Variants in PRPF8 observed in about 807,000 individuals in gnomAD.
PRPF8 encodes the protein pre-mRNA-processing-splicing factor 8.
PRPF8 carries 64 observed loss-of-function variants against 285.9 expected under a neutral mutation model. The ratio of observed to expected loss-of-function variants is 0.22; its 90% CI spans 0.18 to 0.28. The LOEUF (loss-of-function observed/expected upper bound fraction) is 0.28. PRPF8 is among the 10% of genes least tolerant of loss of function. PRPF8 has a pLI of 1.00. For missense variants in PRPF8, 1,426 were observed against 3,026.7 expected (o/e 0.47, Z 12.41); for synonymous variants, 1,325 against 1,118.2 (o/e 1.18, Z -3.69).
Position 1,682,134 on chromosome 17 carries a change from C to T in PRPF8, c.429G>A (p.Gln143=), listed in dbSNP as rs779810098. 68 of 1,613,984 alleles carry T rather than the reference C, an allele frequency of 4.2e-5. No individual in the cohort carries two copies. Among genetic ancestry groups the T allele is most frequent in the Non-Finnish European group, 5.4e-5 (64 of 1,180,026 alleles). The change falls in exon 4 of 43, where the codon CAG becomes CAA. Residue 143 remains glutamine, a synonymous_variant. Transcript: ENST00000304992. ...CATATTTCAGCCTTTCTCACCCCCACTGGGAGATGTAGACAGGTTCAATGA... is the reference window on the plus strand; with the variant it reads ...CATATTTCAGCCTTTCTCACCCCCATTGGGAGATGTAGACAGGTTCAATGA... ...PWVIEPVYIS[Q]WGSMWIMMRR...
chr17:1,656,554 C>T lies in PRPF8; in HGVS notation c.5631G>A (p.Leu1877=), dbSNP rs1379625351. 1 of 1,614,106 alleles carries T rather than the reference C, an allele frequency of 6.2e-7. No homozygotes were observed. Among genetic ancestry groups the T allele is most frequent in the African/African-American group, 1.3e-5 (1 of 74,996 alleles). The change falls in exon 36 of 43, where the codon CTG becomes CTA. Residue 1877 remains leucine, a synonymous_variant. Transcript: ENST00000304992. Reference sequence around the variant, plus strand: ...CTTTGATGACAATATTGGGGAAGTCCAGTAAGTGCACCTAAGACAAGATCA... The same window carrying T: ...CTTTGATGACAATATTGGGGAAGTCTAGTAAGTGCACCTAAGACAAGATCA... ...GMLDPLEVHL[L]DFPNIVIKGS...
At chr17:1,668,152 T>C (rs1401272232) in intron 24 of PRPF8, among the ~76,000 whole-genome samples, 1 of 152,216 alleles carries the variant, frequency 6.6e-6, no homozygotes, top group Non-Finnish European at 1.5e-5. Context: ...AAAGATATGA[T>C]GTGAACCCCA....
intron 21 of PRPF8, 151 bp from the exon 22 acceptor site, chr17:1,674,043 T>G: frequency 1.0e-6 from 1 of 968,432 alleles, no homozygotes; most frequent in Non-Finnish European, 1.5e-6. Context: ...ATTTATTTTT[T>G]GAGACAGTCT....
In PRPF8 at chr17:1,651,564, AGAG is replaced by A; in HGVS notation, c.6511-14_6511-12del. The A allele has an allele frequency of 1.9e-6, 3 of 1,614,074 alleles. No homozygotes were observed. Among genetic ancestry groups the A allele is most frequent in the African/African-American group, 2.7e-5 (2 of 75,000 alleles). ...TAAGGGTTCCATCTCCTATAGGTAAAGAGGAGTACAGAGCTGAATCCCATCCAC... is the reference window on the plus strand; with the variant it reads ...TAAGGGTTCCATCTCCTATAGGTAAAGAGTACAGAGCTGAATCCCATCCAC... On this transcript the variant is annotated splice_polypyrimidine_tract_variant and intron_variant, in intron 40 of 42. Coordinates refer to ENST00000304992, the MANE Select transcript of PRPF8 (RefSeq NM_006445.4). The surrounding 1 kb of genome is among the most constrained non-coding windows in gnomAD (Gnocchi z 5.1).
chr17:1,672,508 C>G (rs1185488819), intron 24 of PRPF8, among the ~76,000 whole-genome samples: 1 of 152,232 alleles, frequency 6.6e-6, no homozygotes, highest in East Asian at 1.9e-4. Flanking sequence ...GTCTCAAACT[C>G]CTGACCTCAG....
rs549397527 is a variant in PRPF8, at chr17:1,673,189, C to T, written c.3666G>A (p.Lys1222=). The part of the protein sequence containing the change: ...GVWNLQNEVT[K]ERTAQCFLRV... ...GCAGGAAACACTGAGCTGTGCGCTC[C>T]TTAGTAACCTAAACCACAAAGTCAA... Residue 1222 remains lysine, a synonymous_variant, in exon 24 of 43, where the codon AAG becomes AAA. Coordinates refer to ENST00000304992, the MANE Select transcript of PRPF8 (RefSeq NM_006445.4). The surrounding 1 kb of genome is among the most constrained non-coding windows in gnomAD (Gnocchi z 5.5). 1.2e-5 allele frequency: 20 copies of T among 1,614,170 alleles called. No homozygotes were observed. The South Asian group carries it at 2.1e-4, about 17-fold the overall frequency.
chr17:1,663,135 T>C (rs1434281741), intron 24 of PRPF8, among the ~76,000 whole-genome samples: 1 of 152,158 alleles, frequency 6.6e-6, no homozygotes, highest in Non-Finnish European at 1.5e-5. Flanking sequence ...CGTAGTAGAC[T>C]AATGGTCAAA....
At position 1,683,713 on chromosome 17, in the gene PRPF8, C is replaced by G; in HGVS notation, c.101-12G>C. The G allele has an allele frequency of 6.2e-7, 1 of 1,613,568 alleles. No individual in the cohort carries two copies. The highest frequency in any genetic ancestry group is 8.5e-7 in the Non-Finnish European group (1 of 1,179,996). On this transcript the variant is annotated splice_polypyrimidine_tract_variant and intron_variant, in intron 2 of 42. Coordinates refer to ENST00000304992, the MANE Select transcript of PRPF8 (RefSeq NM_006445.4). ...CTGCCATTTTCGAGCTGGAAAGGCA[C>G]CTCAGTTTAAAGGCCTGCACACCCT...
In PRPF8 at chr17:1,681,633, A is replaced by T; in HGVS notation, c.711T>A (p.Thr237=). The T allele has an allele frequency of 1.2e-6, 2 of 1,614,124 alleles. No homozygotes were observed. The highest frequency in any genetic ancestry group is 1.7e-6 in the Non-Finnish European group (2 of 1,180,044). The change falls in exon 6 of 43, where the codon ACT becomes ACA. Residue 237 remains threonine (T), a synonymous_variant. Transcript: ENST00000304992. ...RWQFTLPMMS[T]LYRLANQLLT... ...GGAGCTGATTAGCCAGGCGGTAGAG[A>T]GTCGACATCATAGGTAGTGTGAACT...
At position 1,683,305 on chromosome 17, in the gene PRPF8, TATA is replaced by T. The variant is rs557957073; in HGVS notation, c.269+225_269+227del. On this transcript the variant is annotated intron_variant, in intron 3 of 42. Transcript: ENST00000304992. ...CCACCGCGCCTGGCCAGGGACATCT[TATA>T]ATATCATCAACAGGACAAATTAAAG... The T allele has an allele frequency of 2.8e-4, 171 of 613,524 alleles. No homozygotes were observed. In the African/African-American group the frequency reaches 2.9e-3, roughly 10 times the overall value. 38.0% of individuals were successfully genotyped at this position (613,524 alleles called of 1,614,324 possible). A position where few individuals can be genotyped will look rare whatever the true frequency, so the allele number is the denominator to read the frequency against.
At position 1,681,060 on chromosome 17, in the gene PRPF8, GTAC is replaced by G; in HGVS notation, c.867-9_867-7del. 1 of 1,612,778 alleles carries G rather than the reference GTAC, an allele frequency of 6.2e-7. No individual in the cohort carries two copies. The highest frequency in any genetic ancestry group is 8.5e-7 in the Non-Finnish European group (1 of 1,179,054). Reference sequence around the variant, plus strand: ...ATTCATTCCAGTCTTCATCCCTAGGGTACAACATCAAGAATAAGCAGACTTTTT... The same window carrying G: ...ATTCATTCCAGTCTTCATCCCTAGGGAACATCAAGAATAAGCAGACTTTTT... On this transcript the variant is annotated splice_region_variant and splice_polypyrimidine_tract_variant and intron_variant, in intron 6 of 42. Coordinates refer to ENST00000304992, the MANE Select transcript of PRPF8 (RefSeq NM_006445.4).
In PRPF8 at chr17:1,679,673, G is replaced by T. The variant is rs772116221; in HGVS notation, c.1225C>A (p.Arg409=). The T allele has an allele frequency of 1.2e-5, 20 of 1,614,136 alleles. No individual in the cohort carries two copies. In the Admixed American group the frequency reaches 2.7e-4, roughly 22 times the overall value. Residue 409 remains arginine (R), a synonymous_variant, in exon 9 of 43, where the codon CGG becomes AGG. Coordinates refer to ENST00000304992, the MANE Select transcript of PRPF8 (RefSeq NM_006445.4). This position sits in a 1 kb window ranked among gnomAD's most constrained non-coding sequence, Gnocchi z 4.7. ...CGACCAGAGCGTAGGTTGAAGGGCC[G>T]CGGGGCCCAGAGCAGGGCAATGCCA... ...ANGIALLWAP[R]PFNLRSGRTR...
At position 1,660,980 on chromosome 17, in the gene PRPF8, G is replaced by T. The variant is rs779278091; in HGVS notation, c.4508+13C>A. The T allele has an allele frequency of 6.2e-7, 1 of 1,613,450 alleles. No homozygotes were observed. The highest frequency in any genetic ancestry group is 2.2e-5 in the East Asian group (1 of 44,900). On this transcript the variant is annotated intron_variant, in intron 28 of 42. Transcript: ENST00000304992. ...GGTTGTGACAGGTCCCTCTAAGAGA[G>T]GAGAATCCTCACCAGAAAAGCCCCT...
At chr17:1,672,278 TTTTG>T (rs969120701) in intron 24 of PRPF8, among the ~76,000 whole-genome samples, 3 of 152,236 alleles carry the variant, frequency 2.0e-5, no homozygotes, top group Admixed American at 6.5e-5. Flanking sequence ...GGTAACTTTT[TTTTG>T]TTTGTTTGTA....
In PRPF8 at chr17:1,655,333, C is replaced by A; in HGVS notation, c.5987+17G>T. 1 of 1,612,580 alleles carries A rather than the reference C, an allele frequency of 6.2e-7. No homozygotes were observed. Among genetic ancestry groups the A allele is most frequent in the Non-Finnish European group, 8.5e-7 (1 of 1,179,980 alleles). On this transcript the variant is annotated intron_variant, in intron 37 of 42. Coordinates refer to ENST00000304992, the MANE Select transcript of PRPF8 (RefSeq NM_006445.4). ...GTATATAGACCTCCTGTCTGTGTCC[C>A]CACCAGCACTGCTCACTTGTTTTTC...
chr17:1,676,163 T>C lies in PRPF8; in HGVS notation c.2552+44A>G, dbSNP rs775723778. The stretch of plus-strand genomic sequence containing the variant: ...GGACTCTGAGGATGACGCCATTCCC[T>C]GCTGTCACCTTCCCAGCAGGAACCT... On this transcript the variant is annotated intron_variant, in intron 17 of 42. Coordinates refer to ENST00000304992, the MANE Select transcript of PRPF8 (RefSeq NM_006445.4). This position sits in a 1 kb window ranked among gnomAD's most constrained non-coding sequence, Gnocchi z 6.3. 1.9e-6 allele frequency: 3 copies of C among 1,612,576 alleles called. No homozygotes were observed. The South Asian group carries it at 3.3e-5, about 18-fold the overall frequency.
At chr17:1,666,275 C>T (rs906875055) in intron 24 of PRPF8, among the ~76,000 whole-genome samples, 3 of 151,388 alleles carry the variant, frequency 2.0e-5, no homozygotes, top group Admixed American at 6.6e-5. Context: ...CAAGGCCAGG[C>T]GTGGTGGCTC....
intron 36 of PRPF8, among the ~76,000 whole-genome samples, 153 bp from the exon 37 acceptor site, chr17:1,655,696 G>A (rs1911338680): frequency 6.6e-6 from 1 of 151,194 alleles, no homozygotes; most frequent in African/African-American, 2.4e-5. Flanking sequence ...GCATGATCTC[G>A]GCTCACTGCA....
chr17:1,654,547 C>A, intron 37 of PRPF8: 1 of 226,954 alleles, frequency 4.4e-6, no homozygotes, highest in South Asian at 6.9e-5. Context: ...GGCCAAGAGT[C>A]AGACTGAAGC....
Sources: allele counts gnomAD v4.1 joint callset (sites outside exome capture counted in the v4.1 genomes callset), GRCh38; gene constraint gnomAD v4.1.1; non-coding constraint Gnocchi (gnomAD v3.1); transcripts MANE v1.5; gene names NCBI Gene and HGNC (gene_info 2026-07-23, HGNC 2026-07-21).